GALNT13: variants seen among roughly 807,000 people sequenced by gnomAD.
The protein encoded by GALNT13 is UDP-GalNAc:polypeptide N-acetylgalactosaminyltransferase 13.
GALNT13 carries 28 observed loss-of-function variants against 64.2 expected under a neutral mutation model. That is an observed-to-expected ratio of 0.44 (90% CI 0.32 to 0.60). The LOEUF (loss-of-function observed/expected upper bound fraction) is 0.60, where lower values mean the gene tolerates loss of function less well. Ranked by LOEUF, GALNT13 falls within the 20% of genes least tolerant of loss-of-function variation. The pLI, the probability that GALNT13 is intolerant of heterozygous loss-of-function variation, is 0.05. For missense variants in GALNT13, 577 were observed against 669.8 expected, an observed-to-expected ratio of 0.86 and a Z score of 1.53; for synonymous variants, 214 against 224.6, an observed-to-expected ratio of 0.95 and a Z score of 0.42.
chr2:153,264,785 A>C, the GALNT13 span, among the ~76,000 whole-genome samples: 3 of 152,146 alleles, frequency 2.0e-5, no homozygotes, highest in African/African-American at 7.2e-5. Context: ...AACAATACAC[A>C]GTGGGGCCTG....
At chr2:153,105,140 C>T in the GALNT13 span, among the ~76,000 whole-genome samples, 202 of 149,236 alleles carry the variant, frequency 1.4e-3, no homozygotes, top group Non-Finnish European at 2.1e-3. Context: ...ACTGGCAAAC[C>T]GAATCCAGCA....
intron 9 of GALNT13, among the ~76,000 whole-genome samples, chr2:154,341,468 A>G (rs1695769250): frequency 1.3e-5 from 2 of 152,088 alleles, no homozygotes; most frequent in Non-Finnish European, 2.9e-5. Context: ...CCTTGTTGGG[A>G]AAATAATGTT....
At chr2:154,093,474 A>T (rs942955558) in intron 3 of GALNT13, among the ~76,000 whole-genome samples, 4 of 152,020 alleles carry the variant, frequency 2.6e-5, no homozygotes, top group Non-Finnish European at 4.4e-5. Flanking sequence ...TGAATCGAGC[A>T]TAGTTGTGGT....
chr2:153,437,583 G>A, the GALNT13 span, among the ~76,000 whole-genome samples: 5 of 149,924 alleles, frequency 3.3e-5, no homozygotes, highest in South Asian at 4.3e-4. Flanking sequence ...TTATGTAATG[G>A]CCTTCTTTGT....
intron 12 of GALNT13, among the ~76,000 whole-genome samples, chr2:154,448,239 T>G (rs763159641): frequency 6.6e-6 from 1 of 152,042 alleles, no homozygotes; most frequent in Non-Finnish European, 1.5e-5. Context: ...ATTTATCAGT[T>G]GCAGATGCAG....
the GALNT13 span, among the ~76,000 whole-genome samples, chr2:153,581,619 A>G: frequency 6.6e-6 from 1 of 152,102 alleles, no homozygotes; most frequent in Non-Finnish European, 1.5e-5. Context: ...GCCTATTGTT[A>G]TAAGGAAGTG....
intron 11 of GALNT13, among the ~76,000 whole-genome samples, chr2:154,429,651 A>G (rs913501639): frequency 6.6e-6 from 1 of 152,260 alleles, no homozygotes; most frequent in Non-Finnish European, 1.5e-5. Context: ...ATGTGAATAC[A>G]GTAAACAACA....
At chr2:153,934,447 A>T (rs115820264) in intron 2 of GALNT13, among the ~76,000 whole-genome samples, 142 of 152,304 alleles carry the variant, frequency 9.3e-4, no homozygotes, top group African/African-American at 3.2e-3. Flanking sequence ...ATAAAAGCTA[A>T]AAGTTAGCTT....
At chr2:153,478,060 A>T in the GALNT13 span, 1 of 610,380 alleles carries the variant, frequency 1.6e-6, no homozygotes, top group South Asian at 2.0e-5. Context: ...ACTGCCAGGC[A>T]TGAGGACTTT....
At chr2:154,122,672 G>T (rs1200286236) in intron 3 of GALNT13, among the ~76,000 whole-genome samples, 1 of 151,794 alleles carries the variant, frequency 6.6e-6, no homozygotes, top group Non-Finnish European at 1.5e-5. Flanking sequence ...TGATAGTTTT[G>T]TGTGTTTTGA....
intron 9 of GALNT13, among the ~76,000 whole-genome samples, chr2:154,370,513 T>A (rs908668007): frequency 6.6e-5 from 10 of 152,192 alleles, no homozygotes; most frequent in African/African-American, 1.9e-4. Flanking sequence ...ACAGGGTTTG[T>A]GAATAAAGTT....
At chr2:153,952,825 A>G (rs1483762467) in intron 3 of GALNT13, among the ~76,000 whole-genome samples, 3 of 152,190 alleles carry the variant, frequency 2.0e-5, no homozygotes, top group African/African-American at 7.2e-5. Context: ...TGAAGTTACA[A>G]CAGCCCCTGG....
At chr2:154,306,259 G>T (rs888820723) in intron 9 of GALNT13, among the ~76,000 whole-genome samples, 3 of 151,912 alleles carry the variant, frequency 2.0e-5, no homozygotes, top group Non-Finnish European at 2.9e-5. Context: ...CCATTAACCC[G>T]TCATCTACGT....
chr2:154,002,490 T>C (rs1486257025), intron 3 of GALNT13, among the ~76,000 whole-genome samples: 12 of 152,006 alleles, frequency 7.9e-5, no homozygotes, highest in Non-Finnish European at 4.4e-5. Flanking sequence ...ATCTATAATA[T>C]AAAATTTCTA....
the GALNT13 span, among the ~76,000 whole-genome samples, chr2:153,519,299 AG>A: frequency 6.6e-6 from 1 of 152,172 alleles, no homozygotes; most frequent in Non-Finnish European, 1.5e-5. Context: ...TCAATCCTGC[AG>A]GTCTAACAAT....
At chr2:153,963,890 G>A (rs1239494932) in intron 3 of GALNT13, among the ~76,000 whole-genome samples, 1 of 151,948 alleles carries the variant, frequency 6.6e-6, no homozygotes, top group Admixed American at 6.6e-5. Context: ...CTATGAAAGA[G>A]CAGAAATTTT....
At chr2:153,669,557 G>T in the GALNT13 span, among the ~76,000 whole-genome samples, 1 of 152,166 alleles carries the variant, frequency 6.6e-6, no homozygotes, top group Non-Finnish European at 1.5e-5. Flanking sequence ...ACTAGCAGTT[G>T]CTTCCAAGAT....
chr2:153,687,945 T>TC, the GALNT13 span, among the ~76,000 whole-genome samples: 1 of 151,982 alleles, frequency 6.6e-6, no homozygotes, highest in Non-Finnish European at 1.5e-5. Flanking sequence ...ATTCAATATT[T>TC]CATATTTACA....
chr2:154,363,508 C>T (rs1415187780), intron 9 of GALNT13, among the ~76,000 whole-genome samples: 3 of 152,032 alleles, frequency 2.0e-5, no homozygotes, highest in South Asian at 2.1e-4. Context: ...AATTTTGTTG[C>T]AATCACTGTT....
Sources: allele counts gnomAD v4.1 joint callset (sites outside exome capture counted in the v4.1 genomes callset), GRCh38; gene constraint gnomAD v4.1.1; transcripts MANE v1.5; gene names NCBI Gene and HGNC (gene_info 2026-07-23, HGNC 2026-07-21).